Variants in PCDHGA4 observed in about 807,000 individuals in gnomAD.
The protein encoded by PCDHGA4 is protocadherin gamma-A4.
In PCDHGA4, 38 loss-of-function variants were observed where a neutral mutation model predicts 54.6. The ratio of observed to expected loss-of-function variants is 0.70; its 90% CI spans 0.54 to 0.91. PCDHGA4 has a LOEUF of 0.91. Among genes scored for constraint, PCDHGA4 ranks in the 40% least tolerant of loss-of-function variants. PCDHGA4 has a pLI of 0.00. For synonymous variants in PCDHGA4, 511 were observed against 512.9 expected (o/e 1.00, Z 0.05); for missense variants, 1,298 against 1,220.9 (o/e 1.06, Z -0.94).
intron 1 of PCDHGA4, chr5:141,404,885 G>C: frequency 1.2e-6 from 2 of 1,613,906 alleles, no homozygotes; most frequent in Non-Finnish European, 1.7e-6. Context: ...CCTTGTGGTG[G>C]CTGTACAGGA....
At chr5:141,376,294 C>A in intron 1 of PCDHGA4, 4 of 1,614,226 alleles carry the variant, frequency 2.5e-6, no homozygotes, top group Non-Finnish European at 3.4e-6. Flanking sequence ...GCATGCCCGG[C>A]TCGCACTTTG....
chr5:141,428,310 G>A (rs2097132610), intron 1 of PCDHGA4: 1 of 671,630 alleles, frequency 1.5e-6, no homozygotes, highest in Admixed American at 2.2e-5. Context: ...ACCTGGTCGT[G>A]GCCTTGGCCT....
At chr5:141,400,943 T>G (rs1253479872) in intron 1 of PCDHGA4, among the ~76,000 whole-genome samples, 1 of 152,260 alleles carries the variant, frequency 6.6e-6, no homozygotes, top group East Asian at 1.9e-4. Flanking sequence ...CTTTCTTCAC[T>G]GATTTCACTG....
At chr5:141,392,750 G>C in intron 1 of PCDHGA4, 1 of 1,451,824 alleles carries the variant, frequency 6.9e-7, no homozygotes, top group Non-Finnish European at 9.1e-7. Flanking sequence ...GCTGCGGCAA[G>C]AAACTAAATA....
In PCDHGA4 at chr5:141,476,299, C is replaced by G; in HGVS notation, c.2515-18508C>G. On this transcript the variant is annotated intron_variant, in intron 1 of 3. Transcript: ENST00000571252. This position sits in a 1 kb window ranked among gnomAD's most constrained non-coding sequence, Gnocchi z 7.6. The stretch of plus-strand genomic sequence containing the variant: ...ACCTTGGTTTGGATCTCGGTAGCCT[C>G]TCAGCCCGCAGGTTCCGGGTGGTGT... The G allele has an allele frequency of 6.2e-7, 1 of 1,614,100 alleles. No individual in the cohort carries two copies. The highest frequency in any genetic ancestry group is 8.5e-7 in the Non-Finnish European group (1 of 1,180,014).
chr5:141,423,864 G>T, intron 1 of PCDHGA4: 4 of 1,284,224 alleles, frequency 3.1e-6, no homozygotes, highest in Non-Finnish European at 3.9e-6. Flanking sequence ...TTTTGTGAAA[G>T]TCATTTTTCA....
In PCDHGA4 at chr5:141,355,670, C is replaced by G. The variant is rs1759931772; in HGVS notation, c.563C>G (p.Ala188Gly). Residue 188 changes from alanine (A) to glycine (G), a missense_variant, in exon 1 of 4, where the codon GCT (alanine) becomes GGT (glycine). Transcript: ENST00000571252. ...GGGGCAAGATTTCCTCTTCCTGAAG[C>G]TTTTGATCCGGATGTAGGTGTAAAC... ...NPGARFPLPE[A>G]FDPDVGVNSL... 6.2e-7 allele frequency: 1 copy of G among 1,614,014 alleles called. No homozygotes were observed. The highest frequency in any genetic ancestry group is 8.5e-7 in the Non-Finnish European group (1 of 1,179,890).
chr5:141,405,041 G>A (rs1276032851), intron 1 of PCDHGA4: 1 of 1,613,976 alleles, frequency 6.2e-7, no homozygotes, highest in Non-Finnish European at 8.5e-7. Flanking sequence ...CGTTGTGGCT[G>A]TGGCAGTCGT....
At chr5:141,395,093 C>CT (rs2093169149) in intron 1 of PCDHGA4, 4 of 1,614,040 alleles carry the variant, frequency 2.5e-6, no homozygotes, top group Non-Finnish European at 3.4e-6. Flanking sequence ...TCTCCCTCAC[C>CT]GCCGACTCGC....
At position 141,477,112 on chromosome 5, in the gene PCDHGA4, A is replaced by C. The variant is rs745449028; in HGVS notation, c.2515-17695A>C. The C allele has an allele frequency of 2.5e-6, 4 of 1,614,262 alleles. No homozygotes were observed. The South Asian group carries it at 4.4e-5, about 18-fold the overall frequency. Reference sequence around the variant, plus strand: ...CCAAAGACAAGGGCGCCAATCCCGAAGGAGCACATTGCAAAGTGTTGGTGG... The same window carrying C: ...CCAAAGACAAGGGCGCCAATCCCGACGGAGCACATTGCAAAGTGTTGGTGG... On this transcript the variant is annotated intron_variant, in intron 1 of 3. Transcript: ENST00000571252. This position sits in a 1 kb window ranked among gnomAD's most constrained non-coding sequence, Gnocchi z 4.9.
chr5:141,493,694 G>A lies in PCDHGA4; in HGVS notation c.2515-1113G>A, dbSNP rs929897875. On this transcript the variant is annotated intron_variant, in intron 1 of 3. Transcript: ENST00000571252. This position sits in a 1 kb window ranked among gnomAD's most constrained non-coding sequence, Gnocchi z 4.3. ...CCCCAGAATGGTGCTGGTGACTCCC[G>A]ATACACCTGGAATGCTAGGTTTCTG... Among the ~76,000 whole-genome samples the A allele has an allele frequency of 5.9e-5, 9 of 152,130 alleles. No individual in the cohort carries two copies. Among genetic ancestry groups the A allele is most frequent in the African/African-American group, 9.7e-5 (4 of 41,404 alleles).
In PCDHGA4 at chr5:141,357,464, A is replaced by G. The variant is rs1433151556; in HGVS notation, c.2357A>G (p.His786Arg). 6.2e-7 allele frequency: 1 copy of G among 1,614,044 alleles called. No individual in the cohort carries two copies. Among genetic ancestry groups the G allele is most frequent in the Non-Finnish European group, 8.5e-7 (1 of 1,180,044 alleles). Residue 786 changes from histidine to arginine, a missense_variant, in exon 1 of 4, where the codon CAC becomes CGC. Physicochemically the swap from His to Arg is conservative, Grantham distance 29. Transcript: ENST00000571252. ...GVRAFLQTYS[H>R]EVSLTADSRK... is the part of the protein sequence containing the mutation. ...CGGGCTTTCCTGCAGACCTATTCCC[A>G]CGAGGTCTCCCTCACCGCGGACTCG...
In PCDHGA4 at chr5:141,486,866, G is replaced by A; in HGVS notation, c.2515-7941G>A. Reference sequence around the variant, plus strand: ...GGACCTCAATGACAATGCTCCAGCTGTGCTCCGTCCTCGGGCCCGGCCTGG... The same window carrying A: ...GGACCTCAATGACAATGCTCCAGCTATGCTCCGTCCTCGGGCCCGGCCTGG... On this transcript the variant is annotated intron_variant, in intron 1 of 3. Transcript: ENST00000571252. The surrounding 1 kb of genome is among the most constrained non-coding windows in gnomAD (Gnocchi z 5.0). 6.2e-7 allele frequency: 1 copy of A among 1,614,202 alleles called. No homozygotes were observed. The highest frequency in any genetic ancestry group is 8.5e-7 in the Non-Finnish European group (1 of 1,180,038).
chr5:141,456,275 G>A (rs1234663731), intron 1 of PCDHGA4, among the ~76,000 whole-genome samples: 1 of 152,142 alleles, frequency 6.6e-6, no homozygotes, highest in Non-Finnish European at 1.5e-5. Flanking sequence ...GCTACTTCCT[G>A]CTGAAAAGGG....
In PCDHGA4 at chr5:141,487,934, C is replaced by T; in HGVS notation, c.2515-6873C>T. 4.9e-6 allele frequency: 3 copies of T among 607,674 alleles called. No homozygotes were observed. The highest frequency in any genetic ancestry group is 2.1e-5 in the South Asian group (1 of 48,014). 37.6% of individuals were successfully genotyped at this position (607,674 alleles called of 1,614,324 possible). Reference sequence around the variant, plus strand: ...ACAGGAGGCTACAGTGCACAGGGTACAGTGCACCAGGCAGTCACTTGGACA... The same window carrying T: ...ACAGGAGGCTACAGTGCACAGGGTATAGTGCACCAGGCAGTCACTTGGACA... On this transcript the variant is annotated intron_variant, in intron 1 of 3. Transcript: ENST00000571252. This position sits in a 1 kb window ranked among gnomAD's most constrained non-coding sequence, Gnocchi z 5.0.
intron 1 of PCDHGA4, chr5:141,414,681 G>A: frequency 6.2e-7 from 1 of 1,613,954 alleles, no homozygotes; most frequent in African/African-American, 1.3e-5. Context: ...CCATCCAGGG[G>A]GTACCTCTGT....
At chr5:141,405,104 C>T in intron 1 of PCDHGA4, 1 of 1,613,940 alleles carries the variant, frequency 6.2e-7, no homozygotes, top group Non-Finnish European at 8.5e-7. Flanking sequence ...CAGGCTGAGG[C>T]ACTGGCACTC....
At position 141,477,529 on chromosome 5, in the gene PCDHGA4, C is replaced by G; in HGVS notation, c.2515-17278C>G. ...ACGTTTACATTGAAGAAAACAACCT[C>G]CCCGGGGCTCCAATACTAAACCTAA... On this transcript the variant is annotated intron_variant, in intron 1 of 3. Transcript: ENST00000571252. The surrounding 1 kb of genome is among the most constrained non-coding windows in gnomAD (Gnocchi z 4.9). 6.2e-7 allele frequency: 1 copy of G among 1,614,172 alleles called. No homozygotes were observed. The highest frequency in any genetic ancestry group is 8.5e-7 in the Non-Finnish European group (1 of 1,180,032).
chr5:141,374,648 C>T, intron 1 of PCDHGA4: 5 of 1,612,462 alleles, frequency 3.1e-6, no homozygotes, highest in Non-Finnish European at 4.2e-6. Flanking sequence ...AGCCCATGGG[C>T]CCAAGTACCC....
Sources: allele counts gnomAD v4.1 joint callset (sites outside exome capture counted in the v4.1 genomes callset), GRCh38; gene constraint gnomAD v4.1.1; non-coding constraint Gnocchi (gnomAD v3.1); transcripts MANE v1.5; gene names NCBI Gene and HGNC (gene_info 2026-07-23, HGNC 2026-07-21).